The following HS6ST3 variants were observed in gnomAD, a reference collection of about 807,000 sequenced individuals.
The protein encoded by HS6ST3 is heparan-sulfate 6-O-sulfotransferase 3.
A neutral mutation model predicts 36.7 loss-of-function variants in HS6ST3; 12 were observed. That is an observed-to-expected ratio of 0.33 (90% CI 0.21 to 0.53). The LOEUF (loss-of-function observed/expected upper bound fraction) is 0.53. Ranked by LOEUF, HS6ST3 falls within the 20% of genes least tolerant of loss-of-function variation. The probability of loss-of-function intolerance (pLI) is 0.95; values close to 1 mark genes in which losing one functional copy is unlikely to be tolerated. For missense variants in HS6ST3, 584 were observed against 640.9 expected (o/e 0.91, Z 0.96); for synonymous variants, 240 against 257.5 (o/e 0.93, Z 0.65).
At chr13:96,803,793 A>AT (rs1483980701) in intron 1 of HS6ST3, among the ~76,000 whole-genome samples, 1 of 152,052 alleles carries the variant, frequency 6.6e-6, no homozygotes, top group Non-Finnish European at 1.5e-5. Context: ...GAAAATTGTG[A>AT]TTTTGTTTCT....
chr13:96,209,761 A>G (rs2054389565), intron 1 of HS6ST3, among the ~76,000 whole-genome samples: 1 of 152,064 alleles, frequency 6.6e-6, no homozygotes, highest in South Asian at 2.1e-4. Flanking sequence ...AGCCATCCTT[A>G]TACATAGCAC....
intron 1 of HS6ST3, among the ~76,000 whole-genome samples, chr13:96,306,451 T>C (rs1229120151): frequency 6.6e-6 from 1 of 152,154 alleles, no homozygotes; most frequent in Non-Finnish European, 1.5e-5. Context: ...CGTCAAGTGG[T>C]CCATCTGCCT....
In HS6ST3 at chr13:96,813,325, G is replaced by C. The variant is rs549142714; in HGVS notation, c.708-19165G>C. Among the ~76,000 whole-genome samples, 4 of 152,210 alleles carry C rather than the reference G, an allele frequency of 2.6e-5. No individual in the cohort carries two copies. The East Asian group carries it at 7.7e-4, about 29-fold the overall frequency. On this transcript the variant is annotated intron_variant, in intron 1 of 1. Coordinates refer to ENST00000376705, the MANE Select transcript of HS6ST3 (RefSeq NM_153456.4). ...AATGTTACTTGGACTGAATGGAAGG[G>C]TATCAAAGGGCCTCAACATGCAGCT...
chr13:96,731,076 A>G (rs1414004596), intron 1 of HS6ST3, among the ~76,000 whole-genome samples: 1 of 152,214 alleles, frequency 6.6e-6, no homozygotes, highest in African/African-American at 2.4e-5. Flanking sequence ...TCGCATAGTT[A>G]TCATTTTTGT....
intron 1 of HS6ST3, among the ~76,000 whole-genome samples, chr13:96,322,395 A>C (rs1215646770): frequency 1.5e-5 from 2 of 137,330 alleles, no homozygotes; most frequent in South Asian, 2.4e-4. Context: ...AAAAAAAAAA[A>C]AAAAAACAAG....
intron 1 of HS6ST3, among the ~76,000 whole-genome samples, chr13:96,712,663 T>A (rs918998043): frequency 1.3e-5 from 2 of 152,156 alleles, no homozygotes; most frequent in African/African-American, 4.8e-5. Flanking sequence ...ATTTCATATG[T>A]CGATAGGCAA....
intron 1 of HS6ST3, among the ~76,000 whole-genome samples, chr13:96,480,699 C>T (rs1287337167): frequency 6.6e-6 from 1 of 152,120 alleles, no homozygotes; most frequent in East Asian, 1.9e-4. Context: ...CTCCCTGATC[C>T]CCACTTCTGT....
intron 1 of HS6ST3, among the ~76,000 whole-genome samples, chr13:96,276,441 C>A (rs887260864): frequency 6.6e-6 from 1 of 152,168 alleles, no homozygotes; most frequent in Non-Finnish European, 1.5e-5. Flanking sequence ...ACTGGGAGCA[C>A]TAGCTCAGGT....
At chr13:96,750,502 A>T (rs1876674183) in intron 1 of HS6ST3, among the ~76,000 whole-genome samples, 1 of 152,244 alleles carries the variant, frequency 6.6e-6, no homozygotes, top group Non-Finnish European at 1.5e-5. Context: ...TAACTCTTTC[A>T]TTAATCAAAC....
At chr13:96,412,677 A>G (rs1404114422) in intron 1 of HS6ST3, among the ~76,000 whole-genome samples, 1 of 152,014 alleles carries the variant, frequency 6.6e-6, no homozygotes, top group Non-Finnish European at 1.5e-5. Context: ...ATCAGTGAGG[A>G]AAGTGTTGAA....
intron 1 of HS6ST3, among the ~76,000 whole-genome samples, chr13:96,538,584 C>T (rs537718252): frequency 3.3e-5 from 5 of 152,202 alleles, no homozygotes; most frequent in South Asian, 4.1e-4. Flanking sequence ...GCTGGGACTG[C>T]AGGCACATGC....
chr13:96,756,646 A>G (rs181181798), intron 1 of HS6ST3, among the ~76,000 whole-genome samples: 111 of 152,326 alleles, frequency 7.3e-4, no homozygotes, highest in Middle Eastern at 6.8e-3. Context: ...ATAGTGTATA[A>G]TATTTAAAAT....
At chr13:96,761,139 G>C (rs963119472) in intron 1 of HS6ST3, among the ~76,000 whole-genome samples, 2 of 149,784 alleles carry the variant, frequency 1.3e-5, no homozygotes, top group Non-Finnish European at 1.5e-5. Flanking sequence ...TTTTGAGACA[G>C]GTCCTCACTG....
intron 1 of HS6ST3, among the ~76,000 whole-genome samples, chr13:96,611,543 T>G (rs1341524232): frequency 1.3e-5 from 2 of 152,008 alleles, no homozygotes; most frequent in Admixed American, 6.6e-5. Flanking sequence ...AATGAGAAAA[T>G]GAGCAACTAT....
Position 96,335,847 on chromosome 13 carries a change from T to C in HS6ST3, c.707+244278T>C, listed in dbSNP as rs150514304. ...AAAACAAAGAAAAAGACTCCTTTTGTGAGTGTCAGGGGTAGAATAATTCCT... is the reference window on the plus strand; with the variant it reads ...AAAACAAAGAAAAAGACTCCTTTTGCGAGTGTCAGGGGTAGAATAATTCCT... On this transcript the variant is annotated intron_variant, in intron 1 of 1. Transcript: ENST00000376705. Among the ~76,000 whole-genome samples, 55 of 152,354 alleles carry C rather than the reference T, an allele frequency of 3.6e-4. No individual in the cohort carries two copies. The East Asian group carries it at 0.01, about 28-fold the overall frequency.
At chr13:96,675,883 A>G (rs938093050) in intron 1 of HS6ST3, among the ~76,000 whole-genome samples, 2 of 152,048 alleles carry the variant, frequency 1.3e-5, no homozygotes, top group African/African-American at 2.4e-5. Flanking sequence ...TACTGTATCC[A>G]CCAGTAGGAT....
At chr13:96,457,179 C>A (rs2055758297) in intron 1 of HS6ST3, among the ~76,000 whole-genome samples, 1 of 152,058 alleles carries the variant, frequency 6.6e-6, no homozygotes, top group South Asian at 2.1e-4. Context: ...TGGACAAACA[C>A]TTATTCTTTT....
intron 1 of HS6ST3, among the ~76,000 whole-genome samples, chr13:96,308,821 T>C (rs1487069420): frequency 1.3e-5 from 2 of 152,114 alleles, no homozygotes; most frequent in Non-Finnish European, 2.9e-5. Flanking sequence ...ATTTGCTGTC[T>C]AGTGGTACGC....
At chr13:96,745,184 C>A (rs999300975) in intron 1 of HS6ST3, among the ~76,000 whole-genome samples, 1 of 152,100 alleles carries the variant, frequency 6.6e-6, no homozygotes, top group African/African-American at 2.4e-5. Context: ...AGCCACCTAA[C>A]CTCTTGACCT....
Sources: allele counts gnomAD v4.1 joint callset (sites outside exome capture counted in the v4.1 genomes callset), GRCh38; gene constraint gnomAD v4.1.1; transcripts MANE v1.5; gene names NCBI Gene and HGNC (gene_info 2026-07-23, HGNC 2026-07-21).